Variants in ABLIM2 observed in about 807,000 individuals in gnomAD.
ABLIM2 encodes the protein actin-binding LIM protein 2.
Under a neutral mutation model 97.7 loss-of-function variants are expected in ABLIM2, and 53 were observed. The ratio of observed to expected loss-of-function variants is 0.54; its 90% CI spans 0.44 to 0.68. The LOEUF (loss-of-function observed/expected upper bound fraction) is 0.68. Among genes scored for constraint, ABLIM2 ranks in the 30% least tolerant of loss-of-function variants. The pLI is 0.00. For missense variants in ABLIM2, 835 were observed against 867.2 expected (o/e 0.96, Z 0.47); for synonymous variants, 361 against 345.8 (o/e 1.04, Z -0.49).
chr4:7,966,917 G>A lies in ABLIM2; in HGVS notation c.*73C>T. The A allele has an allele frequency of 1.1e-6, 1 of 912,708 alleles. No individual in the cohort carries two copies. The highest frequency in any genetic ancestry group is 2.5e-5 in the East Asian group (1 of 40,788). 56.5% of individuals were successfully genotyped at this position (912,708 alleles called of 1,614,324 possible). ...AAGCCAGAGCAAGGTGTGTGGGAGGGGTGTGTGCGGTTCTCGCCAGGGGCC... is the reference window on the plus strand; with the variant it reads ...AAGCCAGAGCAAGGTGTGTGGGAGGAGTGTGTGCGGTTCTCGCCAGGGGCC... On this transcript the variant is annotated 3_prime_UTR_variant, in exon 21 of 21. Transcript: ENST00000447017.
intron 1 of ABLIM2, among the ~76,000 whole-genome samples, chr4:8,141,881 T>A (rs761022597): frequency 7.9e-5 from 12 of 152,198 alleles, no homozygotes; most frequent in Non-Finnish European, 1.5e-4. Flanking sequence ...GCCTGCACTT[T>A]GAGTAGAGAG....
chr4:8,008,459 G>T (rs1284930489), intron 15 of ABLIM2, among the ~76,000 whole-genome samples: 1 of 152,206 alleles, frequency 6.6e-6, no homozygotes, highest in East Asian at 1.9e-4. Flanking sequence ...TGAGGCTCTG[G>T]GAGGCCAGGG....
chr4:8,129,480 A>G (rs1849052419), intron 1 of ABLIM2, among the ~76,000 whole-genome samples: 1 of 152,192 alleles, frequency 6.6e-6, no homozygotes, highest in African/African-American at 2.4e-5. Flanking sequence ...ACATGTGGCC[A>G]GTAGCTACCA....
intron 1 of ABLIM2, among the ~76,000 whole-genome samples, chr4:8,119,183 G>C (rs1249717920): frequency 3.3e-5 from 5 of 152,100 alleles, no homozygotes; most frequent in Non-Finnish European, 7.4e-5. Flanking sequence ...CGTGTCTCAG[G>C]GTGGGGTGTG....
rs201533941 is a variant in ABLIM2 at position 7,991,536 on chromosome 4, T to G, written c.1680+1330A>C. ...ATTGAGCTCAGGGATTTGCACGTCT[T>G]TTGGTGTCGTAGGAGTCCTGTGGAC... On this transcript the variant is annotated intron_variant, in intron 17 of 20. Transcript: ENST00000447017. Among the ~76,000 whole-genome samples the G allele has an allele frequency of 5.0e-5, 3 of 60,594 alleles. No homozygotes were observed. The Admixed American group carries it at 5.5e-4, about 11-fold the overall frequency. 39.8% of individuals were successfully genotyped at this position (60,594 alleles called of 152,430 possible). A position where few individuals can be genotyped will look rare whatever the true frequency, so the allele number is the denominator to read the frequency against.
At chr4:8,053,402 A>G (rs1797223862) in intron 8 of ABLIM2, among the ~76,000 whole-genome samples, 1 of 152,236 alleles carries the variant, frequency 6.6e-6, no homozygotes, top group South Asian at 2.1e-4. Context: ...CACCTTGCAC[A>G]CATATCACCA....
chr4:8,035,339 G>A (rs938053892), intron 10 of ABLIM2, among the ~76,000 whole-genome samples: 8 of 152,118 alleles, frequency 5.3e-5, no homozygotes, highest in Admixed American at 3.9e-4. Context: ...CGCATCGAAC[G>A]CGCTGCCCTG....
chr4:7,971,636 A>C (rs560588838), intron 20 of ABLIM2, among the ~76,000 whole-genome samples: 1 of 152,026 alleles, frequency 6.6e-6, no homozygotes, highest in Non-Finnish European at 1.5e-5. Context: ...CTGGACCTCC[A>C]GGGCCATCTC....
chr4:8,048,321 G>A (rs1793870103), intron 8 of ABLIM2, among the ~76,000 whole-genome samples: 2 of 152,194 alleles, frequency 1.3e-5, no homozygotes, highest in South Asian at 4.1e-4. Context: ...CAGTACAAGC[G>A]CCTTGTTCAG....
At chr4:8,007,980 A>C in intron 16 of ABLIM2, 79 bp downstream of exon 16, 1 of 1,577,758 alleles carries the variant, frequency 6.3e-7, no homozygotes, top group East Asian at 2.3e-5. Flanking sequence ...ATGTAGGGGG[A>C]TAGCTCTGAG....
At chr4:8,145,965 T>C (rs1364405505) in intron 1 of ABLIM2, among the ~76,000 whole-genome samples, 1 of 152,176 alleles carries the variant, frequency 6.6e-6, no homozygotes, top group Non-Finnish European at 1.5e-5. Context: ...AACCCGCCAC[T>C]AGCATGTCCT....
chr4:8,055,233 A>G (rs1456948188), intron 7 of ABLIM2, among the ~76,000 whole-genome samples: 1 of 151,800 alleles, frequency 6.6e-6, no homozygotes, highest in Admixed American at 6.6e-5. Context: ...GTGAATGTCA[A>G]CTCTCTCTGC....
rs973198838 is a variant in ABLIM2 at position 8,056,247 on chromosome 4, G to A, written c.764-2001C>T. On this transcript the variant is annotated intron_variant, in intron 7 of 20. Coordinates refer to ENST00000447017, the MANE Select transcript of ABLIM2 (RefSeq NM_001130083.2). ...TTTTTGTTGGCTGCCTTATAGTACA[G>A]GTGTACCTACAAATGGAAGGGGTTC... Among the ~76,000 whole-genome samples, 53 of 150,738 alleles carry A rather than the reference G, an allele frequency of 3.5e-4. 1 individual carries two copies. The highest frequency in any genetic ancestry group is 1.2e-3 in the African/African-American group (49 of 41,032).
Position 8,021,804 on chromosome 4 carries a change from G to A in ABLIM2, c.1268-1501C>T, listed in dbSNP as rs551564570. Among the ~76,000 whole-genome samples, 1 of 152,364 alleles carries A rather than the reference G, an allele frequency of 6.6e-6. No homozygotes were observed. Among genetic ancestry groups the A allele is most frequent in the Non-Finnish European group, 1.5e-5 (1 of 68,036 alleles). On this transcript the variant is annotated intron_variant, in intron 12 of 20. Transcript: ENST00000447017. The surrounding 1 kb of genome is among the most constrained non-coding windows in gnomAD (Gnocchi z 5.5). ...ACTTTGAGCATTTTCTCGTGCTTGG[G>A]CATGGGTGCTGATTTTGCCTGTCAA... is the stretch of plus-strand genomic sequence containing the variant.
chr4:7,995,922 G>A (rs1055544653), intron 16 of ABLIM2, among the ~76,000 whole-genome samples: 2 of 152,094 alleles, frequency 1.3e-5, no homozygotes, highest in African/African-American at 2.4e-5. Context: ...TCAAGGCCCC[G>A]AGACGTGCAG....
Position 7,970,198 on chromosome 4 carries a change from A to G in ABLIM2, c.1825-3095T>C, listed in dbSNP as rs138969797. 8.4e-4 allele frequency among the ~76,000 whole-genome samples: 128 copies of G among 152,244 alleles called. No individual in the cohort carries two copies. The highest frequency in any genetic ancestry group is 3.0e-3 in the African/African-American group (124 of 41,560). On this transcript the variant is annotated intron_variant, in intron 20 of 20. Coordinates refer to ENST00000447017, the MANE Select transcript of ABLIM2 (RefSeq NM_001130083.2). The surrounding 1 kb of genome is among the most constrained non-coding windows in gnomAD (Gnocchi z 5.3). ...GGGTAGGCTGGGGTGGTGAACTGAC[A>G]CGTAAGTAAATATGTAAAGGAGGGG...
rs1400730 is a variant in ABLIM2 at position 8,113,433 on chromosome 4, C to T, written c.11-6796G>A. Among the ~76,000 whole-genome samples, 107,723 of 152,096 alleles carry T rather than the reference C, an allele frequency of 0.71. 39,315 individuals are homozygous for T. The highest frequency in any genetic ancestry group is 0.94 in the South Asian group (4,515 of 4,828). ...ACTGTTTATTTCCGATCTGTGCCCACGGATCTATATTTAGTTCCACCCTTC... is the reference window on the plus strand; with the variant it reads ...ACTGTTTATTTCCGATCTGTGCCCATGGATCTATATTTAGTTCCACCCTTC... On this transcript the variant is annotated intron_variant, in intron 1 of 20. Coordinates refer to ENST00000447017, the MANE Select transcript of ABLIM2 (RefSeq NM_001130083.2). The surrounding 1 kb of genome is among the most constrained non-coding windows in gnomAD (Gnocchi z 4.5).
rs539181084 is a variant in ABLIM2, at chr4:7,998,016, G to C, written c.1619-5089C>G. Among the ~76,000 whole-genome samples the C allele has an allele frequency of 6.6e-6, 1 of 151,874 alleles. No individual in the cohort carries two copies. Among genetic ancestry groups the C allele is most frequent in the Non-Finnish European group, 1.5e-5 (1 of 67,976 alleles). On this transcript the variant is annotated intron_variant, in intron 16 of 20. Coordinates refer to ENST00000447017, the MANE Select transcript of ABLIM2 (RefSeq NM_001130083.2). The surrounding 1 kb of genome is among the most constrained non-coding windows in gnomAD (Gnocchi z 6.4). ...CCTGCCTCACCCTCCCTAGTAGCTGGGATTACAGGAATGTGCCACCATGCC... is the reference window on the plus strand; with the variant it reads ...CCTGCCTCACCCTCCCTAGTAGCTGCGATTACAGGAATGTGCCACCATGCC...
At chr4:8,146,794 C>T (rs559472277) in intron 1 of ABLIM2, among the ~76,000 whole-genome samples, 14 of 152,306 alleles carry the variant, frequency 9.2e-5, no homozygotes, top group African/African-American at 2.9e-4. Flanking sequence ...CCTCCCAAAG[C>T]GCTGGGATTA....
Sources: gnomAD v4.1 joint callset for allele counts (sites outside exome capture counted in the v4.1 genomes callset) on GRCh38, gnomAD v4.1.1 for gene constraint, Gnocchi (gnomAD v3.1) non-coding constraint, MANE v1.5 for transcripts, NCBI Gene and HGNC (gene_info 2026-07-23, HGNC 2026-07-21) for gene names.